BTNL9: variants seen among roughly 807,000 people sequenced by gnomAD.
The protein encoded by BTNL9 is butyrophilin-like protein 9.
In BTNL9, 45 loss-of-function variants were observed where a neutral mutation model predicts 45.8. That is an observed-to-expected ratio of 0.98 (90% confidence interval 0.77 to 1.26). The LOEUF (loss-of-function observed/expected upper bound fraction) is 1.26, where lower values mean the gene tolerates loss of function less well. BTNL9 is among the 50% of genes most tolerant of loss of function. The probability of loss-of-function intolerance (pLI) is 0.00; values close to 1 mark genes in which losing one functional copy is unlikely to be tolerated. For missense variants in BTNL9, 784 were observed against 729.7 expected, an observed-to-expected ratio of 1.07 and a Z score of -0.86; for synonymous variants, 346 against 330.8, an observed-to-expected ratio of 1.05 and a Z score of -0.50.
chr5:181,051,716 A>G (rs62405404), intron 4 of BTNL9, among the ~76,000 whole-genome samples: 31,759 of 151,930 alleles, frequency 0.21, 4,118 homozygotes, highest in Non-Finnish European at 0.28. Context: ...GAACTGATAT[A>G]TTTTCTAAGG....
rs544797197 is a variant in BTNL9, at chr5:181,042,334, C to T, written c.-24+1902C>T. Reference sequence around the variant, plus strand: ...GGGTTTTCCTTCTTCCCCAAATATCCGACGCGTCCAGTCCCTTACTCCTTC... The same window carrying T: ...GGGTTTTCCTTCTTCCCCAAATATCTGACGCGTCCAGTCCCTTACTCCTTC... On this transcript the variant is annotated intron_variant, in intron 1 of 10. Coordinates refer to ENST00000327705, the MANE Select transcript of BTNL9 (RefSeq NM_152547.5). The surrounding 1 kb of genome is among the most constrained non-coding windows in gnomAD (Gnocchi z 4.5). 2.0e-5 allele frequency among the ~76,000 whole-genome samples: 3 copies of T among 151,994 alleles called. No homozygotes were observed. The highest frequency in any genetic ancestry group is 2.1e-4 in the South Asian group (1 of 4,828).
chr5:181,047,978 A>G lies in BTNL9; in HGVS notation c.161A>G (p.Glu54Gly). 2.5e-6 allele frequency: 4 copies of G among 1,613,654 alleles called. No homozygotes were observed. The highest frequency in any genetic ancestry group is 3.4e-6 in the Non-Finnish European group (4 of 1,179,978). Reference sequence around the variant, plus strand: ...CCCATCCTGGCCCTCGTCGGGGAGGAGGTGGAGTTCCCGTGCCACCTATGG... The same window carrying G: ...CCCATCCTGGCCCTCGTCGGGGAGGGGGTGGAGTTCCCGTGCCACCTATGG... ...EYPILALVGE[E>G]VEFPCHLWPQ... Residue 54 changes from glutamate to glycine, a missense_variant, in exon 3 of 11, where the codon GAG becomes GGG. By Grantham distance (98) the Glu-to-Gly change is moderately conservative. Transcript: ENST00000327705.
chr5:181,050,508 A>G lies in BTNL9; in HGVS notation c.736+139A>G. On this transcript the variant is annotated intron_variant, in intron 4 of 10. Coordinates refer to ENST00000327705, the MANE Select transcript of BTNL9 (RefSeq NM_152547.5). The surrounding 1 kb of genome is among the most constrained non-coding windows in gnomAD (Gnocchi z 4.9). ...TGTTGGCCTTGACACCTGAAAAGTC[A>G]GCACCTTGGATATTAGGAACACACT... 9.6e-7 allele frequency: 1 copy of G among 1,038,284 alleles called. No homozygotes were observed. The highest frequency in any genetic ancestry group is 1.4e-6 in the Non-Finnish European group (1 of 712,424). The allele number at this position is 1,038,284 out of a possible 1,614,324, so 64.3% of individuals were successfully genotyped here. A position where few individuals can be genotyped will look rare whatever the true frequency, so the allele number is the denominator to read the frequency against.
intron 9 of BTNL9, among the ~76,000 whole-genome samples, chr5:181,057,408 A>C (rs978772217): frequency 7.2e-5 from 11 of 152,312 alleles, no homozygotes; most frequent in Admixed American, 5.9e-4. Context: ...TACCAACGCC[A>C]TTTACTCCAC....
In BTNL9 at chr5:181,060,728, G is replaced by A. The variant is rs899488988; in HGVS notation, c.*866G>A. ...TACTTATAAGTTTGAAAGGGGAAAG[G>A]TTACCTTTACAATGGAGACATCTAC... On this transcript the variant is annotated 3_prime_UTR_variant, in exon 11 of 11. Coordinates refer to ENST00000327705, the MANE Select transcript of BTNL9 (RefSeq NM_152547.5). 6 of 152,110 alleles carry A rather than the reference G, an allele frequency of 3.9e-5. No homozygotes were observed. Among genetic ancestry groups the A allele is most frequent in the African/African-American group, 1.4e-4 (6 of 41,410 alleles). The allele number at this position is 152,110 out of a possible 1,614,324, so 9.4% of individuals were successfully genotyped here.
chr5:181,050,260 C>T lies in BTNL9; in HGVS notation c.627C>T (p.Phe209=). 4 of 1,614,196 alleles carry T rather than the reference C, an allele frequency of 2.5e-6. No individual in the cohort carries two copies. In the South Asian group the frequency reaches 3.3e-5, roughly 13 times the overall value. Residue 209 remains phenylalanine, a synonymous_variant, in exon 4 of 11, where the codon TTC becomes TTT. Transcript: ENST00000327705. This position sits in a 1 kb window ranked among gnomAD's most constrained non-coding sequence, Gnocchi z 4.9. ...EAIVWDAQDL[F]SLETSVVVRA... is the part of the protein sequence containing the mutation. ...TCGTCTGGGATGCCCAGGACCTGTT[C>T]AGTCTGGAAACATCTGTGGTTGTCC...
At position 181,048,153 on chromosome 5, in the gene BTNL9, C is replaced by G. The variant is rs1260615715; in HGVS notation, c.336C>G (p.Ala112=). The change falls in exon 3 of 11, where the codon GCC becomes GCG. Residue 112 remains alanine, a synonymous_variant. Transcript: ENST00000327705. ...CCAAGTTGGTCAAGGACGACATCGC[C>G]TATGGCAGCGTGGTCCTGCAGCTTC... is the stretch of plus-strand genomic sequence containing the variant. ...NRTKLVKDDI[A]YGSVVLQLHS... The G allele has an allele frequency of 6.2e-7, 1 of 1,613,580 alleles. No homozygotes were observed. Among genetic ancestry groups the G allele is most frequent in the Non-Finnish European group, 8.5e-7 (1 of 1,180,040 alleles).
At chr5:181,058,276 C>A in intron 9 of BTNL9, 76 bp from the exon 10 acceptor site, 1 of 1,547,324 alleles carries the variant, frequency 6.5e-7, no homozygotes. Flanking sequence ...CCTCATACAT[C>A]TGGAGACTTC....
At position 181,048,243 on chromosome 5, in the gene BTNL9, C is replaced by A. The variant is rs199625985; in HGVS notation, c.426C>A (p.Gly142=). 6.2e-7 allele frequency: 1 copy of A among 1,611,342 alleles called. No individual in the cohort carries two copies. Among genetic ancestry groups the A allele is most frequent in the Admixed American group, 1.7e-5 (1 of 59,976 alleles). The change falls in exon 3 of 11, where the codon GGC becomes GGA. Residue 142 remains glycine, a synonymous_variant. Transcript: ENST00000327705. ...GCRFHSDNFS[G]EALWELEVAG... ...GCTTCCACTCCGACAACTTCTCTGG[C>A]GAAGCTCTCTGGGAACTGGAGGTAG...
chr5:181,056,285 G>A (rs907949484), intron 9 of BTNL9, among the ~76,000 whole-genome samples: 1 of 152,186 alleles, frequency 6.6e-6, no homozygotes, highest in African/African-American at 2.4e-5. Flanking sequence ...TCTGGCATGA[G>A]TGTGTTGCTG....
chr5:181,053,414 G>T lies in BTNL9; in HGVS notation c.854-55G>T, dbSNP rs573375473. 3.8e-5 allele frequency: 59 copies of T among 1,543,338 alleles called. No homozygotes were observed. The African/African-American group carries it at 7.1e-4, about 19-fold the overall frequency. On this transcript the variant is annotated intron_variant, in intron 5 of 10. Coordinates refer to ENST00000327705, the MANE Select transcript of BTNL9 (RefSeq NM_152547.5). The surrounding 1 kb of genome is among the most constrained non-coding windows in gnomAD (Gnocchi z 6.5). The stretch of plus-strand genomic sequence containing the variant: ...CCCCAGGACGCGGCGCGGGAAGGCG[G>T]CCTGGAAGGGGCGGGGGCGCGCACT...
chr5:181,054,690 G>A (rs918254628), intron 7 of BTNL9: 5 of 985,234 alleles, frequency 5.1e-6, no homozygotes, highest in Middle Eastern at 1.0e-3. Flanking sequence ...CTGTAGAGAG[G>A]AAGAGAGAGT....
At chr5:181,054,320 G>A (rs1761760479) in intron 7 of BTNL9, 61 bp downstream of exon 7, 5 of 1,597,310 alleles carry the variant, frequency 3.1e-6, no homozygotes, top group Non-Finnish European at 4.3e-6. Flanking sequence ...CCTGTGCAGT[G>A]GGAGGAGGGG....
chr5:181,053,649 G>A lies in BTNL9; in HGVS notation c.886+148G>A. Reference sequence around the variant, plus strand: ...GAACGGGGATCGGTGACCCCGGTGGGGAAGGGGGAAGATCGTTCATATGGA... The same window carrying A: ...GAACGGGGATCGGTGACCCCGGTGGAGAAGGGGGAAGATCGTTCATATGGA... On this transcript the variant is annotated intron_variant, in intron 6 of 10. Coordinates refer to ENST00000327705, the MANE Select transcript of BTNL9 (RefSeq NM_152547.5). This position sits in a 1 kb window ranked among gnomAD's most constrained non-coding sequence, Gnocchi z 6.5. The A allele has an allele frequency of 4.5e-6, 7 of 1,539,372 alleles. No homozygotes were observed. The highest frequency in any genetic ancestry group is 6.1e-6 in the Non-Finnish European group (7 of 1,140,832).
At position 181,040,405 on chromosome 5, in the gene BTNL9, T is replaced by C. The variant is rs1446954041; in HGVS notation, c.-51T>C. 6.6e-6 allele frequency: 1 copy of C among 152,174 alleles called. No homozygotes were observed. Among genetic ancestry groups the C allele is most frequent in the Non-Finnish European group, 1.5e-5 (1 of 68,048 alleles). The allele number at this position is 152,174 out of a possible 1,614,324, so 9.4% of individuals were successfully genotyped here. The stretch of plus-strand genomic sequence containing the variant: ...TGAGCTCACCAGGACTCATCTGCCA[T>C]TTCAGACCTTTTGCTGCTACCTGCC... On this transcript the variant is annotated 5_prime_UTR_variant, in exon 1 of 11. Coordinates refer to ENST00000327705, the MANE Select transcript of BTNL9 (RefSeq NM_152547.5).
rs1420463989 is a variant in BTNL9 at position 181,042,596 on chromosome 5, T to C, written c.-24+2164T>C. 6.6e-6 allele frequency among the ~76,000 whole-genome samples: 1 copy of C among 152,088 alleles called. No individual in the cohort carries two copies. The highest frequency in any genetic ancestry group is 2.4e-5 in the African/African-American group (1 of 41,400). On this transcript the variant is annotated intron_variant, in intron 1 of 10. Transcript: ENST00000327705. This position sits in a 1 kb window ranked among gnomAD's most constrained non-coding sequence, Gnocchi z 4.5. ...TTCCCTTCAGGAAGCTGCCAGACCA[T>C]CTCTCTCTGCTAAAGGCTTTCAAGA... is the stretch of plus-strand genomic sequence containing the variant.
Position 181,059,614 on chromosome 5 carries a change from G to A in BTNL9, c.1360G>A (p.Asp454Asn). Reference protein sequence around the residue: ...VPPRRLGVFLDYEAGELSFFN... With the variant: ...VPPRRLGVFLNYEAGELSFFN... ...CCCGCGGCGCCTGGGCGTCTTCCTG[G>A]ACTACGAGGCCGGAGAGCTGTCCTT... Residue 454 changes from aspartate (D) to asparagine (N), a missense_variant, in exon 11 of 11, where the codon GAC (aspartate) becomes AAC (asparagine). Transcript: ENST00000327705. The A allele has an allele frequency of 6.2e-7, 1 of 1,613,486 alleles. No individual in the cohort carries two copies. The highest frequency in any genetic ancestry group is 8.5e-7 in the Non-Finnish European group (1 of 1,179,940).
intron 10 of BTNL9, 139 bp downstream of exon 10, chr5:181,058,517 C>T (rs1444141384): frequency 7.2e-6 from 8 of 1,110,272 alleles, no homozygotes; most frequent in East Asian, 7.1e-5. Context: ...CACACACGCA[C>T]ACTTGCAAAC....
In BTNL9 at chr5:181,050,345, A is replaced by AAAG. The variant is rs1158721068; in HGVS notation, c.714_716dup (p.Glu239dup). 1.2e-6 allele frequency: 2 copies of AAAG among 1,613,916 alleles called. No homozygotes were observed. Among genetic ancestry groups the AAAG allele is most frequent in the African/African-American group, 2.7e-5 (2 of 74,914 alleles). ...CCAGAATCTCCTCTTGAGCCAGAAG[A>AAAG]AAGAGTTGGTGGTCCAGATAGCAGG... On this transcript the variant is annotated inframe_insertion, in exon 4 of 11. Transcript: ENST00000327705. The surrounding 1 kb of genome is among the most constrained non-coding windows in gnomAD (Gnocchi z 4.9).
Sources: allele counts gnomAD v4.1 joint callset (sites outside exome capture counted in the v4.1 genomes callset), GRCh38; gene constraint gnomAD v4.1.1; non-coding constraint Gnocchi (gnomAD v3.1); transcripts MANE v1.5; gene names NCBI Gene and HGNC (gene_info 2026-07-23, HGNC 2026-07-21).